CDK5RAP2: variants seen among roughly 807,000 people sequenced by gnomAD.
The protein encoded by CDK5RAP2 is CDK5 regulatory subunit-associated protein 2.
CDK5RAP2 carries 147 observed loss-of-function variants against 232.9 expected under a neutral mutation model. That is an observed-to-expected ratio of 0.63 (90% confidence interval 0.55 to 0.72). The LOEUF (loss-of-function observed/expected upper bound fraction) is 0.72, where lower values mean the gene tolerates loss of function less well. CDK5RAP2 is among the 30% of genes least tolerant of loss of function. The probability of loss-of-function intolerance (pLI) is 0.00; values close to 1 mark genes in which losing one functional copy is unlikely to be tolerated. For missense variants in CDK5RAP2, 2,195 were observed against 2,231.5 expected (o/e 0.98, Z 0.33); for synonymous variants, 833 against 833.7 (o/e 1.00, Z 0.01).
intron 29 of CDK5RAP2, among the ~76,000 whole-genome samples, chr9:120,409,687 C>T (rs953037055): frequency 2.0e-5 from 3 of 152,248 alleles, no homozygotes; most frequent in East Asian, 1.9e-4. Flanking sequence ...ACCAGGAGGC[C>T]GGCAGGGCTG....
intron 12 of CDK5RAP2, among the ~76,000 whole-genome samples, chr9:120,497,425 A>T (rs2039349917): frequency 2.7e-5 from 2 of 73,902 alleles, no homozygotes; most frequent in Admixed American, 1.3e-4. Context: ...TAAATTTAAA[A>T]AAAAAAAAAA....
Position 120,579,986 on chromosome 9 carries a change from G to A in CDK5RAP2, c.-8C>T. The A allele has an allele frequency of 6.2e-7, 1 of 1,600,942 alleles. No homozygotes were observed. Among genetic ancestry groups the A allele is most frequent in the Non-Finnish European group, 8.6e-7 (1 of 1,168,306 alleles). ...CAACACCAAGTCCATCATGGCTACA[G>A]AGGTGGCGACAGCGTTGGTGTCTGT... On this transcript the variant is annotated 5_prime_UTR_variant, in exon 1 of 38. Transcript: ENST00000349780.
Position 120,540,685 on chromosome 9 carries a change from G to T in CDK5RAP2, c.384-1521C>A, listed in dbSNP as rs79378839. On this transcript the variant is annotated intron_variant, in intron 5 of 37. Coordinates refer to ENST00000349780, the MANE Select transcript of CDK5RAP2 (RefSeq NM_018249.6). ...TATTATGTCCTCAGTGGGACTCTGG[G>T]TGAATTACCTAGCCTCAGTAAATTA... Among the ~76,000 whole-genome samples, 7 of 152,322 alleles carry T rather than the reference G, an allele frequency of 4.6e-5. No individual in the cohort carries two copies. The South Asian group carries it at 1.4e-3, about 32-fold the overall frequency.
chr9:120,499,162 G>T (rs1327165069), intron 12 of CDK5RAP2, among the ~76,000 whole-genome samples: 1 of 152,168 alleles, frequency 6.6e-6, no homozygotes, highest in African/African-American at 2.4e-5. Flanking sequence ...TTTTTAATGT[G>T]AAAATGGTAC....
In CDK5RAP2 at chr9:120,408,481, C is replaced by A. The variant is rs753263727; in HGVS notation, c.4605-13G>T. On this transcript the variant is annotated splice_polypyrimidine_tract_variant and intron_variant, in intron 30 of 37. Coordinates refer to ENST00000349780, the MANE Select transcript of CDK5RAP2 (RefSeq NM_018249.6). ...CTCCTCCTGCACCCTGAGAAGGCCCCACAGGCATGAGAAGGACAGGTTAAT... is the reference window on the plus strand; with the variant it reads ...CTCCTCCTGCACCCTGAGAAGGCCCAACAGGCATGAGAAGGACAGGTTAAT... 2.2e-5 allele frequency: 36 copies of A among 1,614,074 alleles called. No individual in the cohort carries two copies. Among genetic ancestry groups the A allele is most frequent in the Non-Finnish European group, 3.1e-5 (36 of 1,179,988 alleles).
chr9:120,462,188 T>C (rs910636417), intron 18 of CDK5RAP2, among the ~76,000 whole-genome samples: 2 of 152,166 alleles, frequency 1.3e-5, no homozygotes, highest in South Asian at 2.1e-4. Context: ...TACTATATTA[T>C]CCAGCATGAA....
intron 18 of CDK5RAP2, among the ~76,000 whole-genome samples, chr9:120,465,202 C>T (rs554196200): frequency 1.3e-5 from 2 of 152,318 alleles, no homozygotes; most frequent in South Asian, 4.1e-4. Context: ...GCTTTCTTTA[C>T]ACAGAGCCTA....
chr9:120,562,767 C>T (rs2042508002), intron 3 of CDK5RAP2, among the ~76,000 whole-genome samples: 1 of 152,032 alleles, frequency 6.6e-6, no homozygotes, highest in South Asian at 2.1e-4. Context: ...GTAACAATAA[C>T]CACAGTAGCC....
intron 15 of CDK5RAP2, among the ~76,000 whole-genome samples, chr9:120,474,069 G>A (rs2037870995): frequency 6.6e-6 from 1 of 152,136 alleles, no homozygotes; most frequent in African/African-American, 2.4e-5. Context: ...ACCACTACTG[G>A]GCAAGCCAGT....
At chr9:120,496,566 G>A (rs2039260975) in intron 12 of CDK5RAP2, among the ~76,000 whole-genome samples, 1 of 150,742 alleles carries the variant, frequency 6.6e-6, no homozygotes, top group African/African-American at 2.4e-5. Flanking sequence ...AGGTGGGGGG[G>A]TCGGCCCCCC....
intron 28 of CDK5RAP2, 44 bp downstream of exon 28, chr9:120,414,996 G>A (rs2034121940): frequency 4.3e-6 from 7 of 1,609,466 alleles, no homozygotes; most frequent in Non-Finnish European, 6.0e-6. Context: ...TCACAGTGAA[G>A]CACTCACAGA....
intron 22 of CDK5RAP2, among the ~76,000 whole-genome samples, chr9:120,447,155 T>G (rs1347540681): frequency 6.6e-6 from 1 of 152,196 alleles, no homozygotes; most frequent in Non-Finnish European, 1.5e-5. Context: ...CTCACAGAAG[T>G]TCAAAATTAG....
At position 120,530,125 on chromosome 9, in the gene CDK5RAP2, C is replaced by A; in HGVS notation, c.678G>T (p.Leu226Phe). ...CTTCTTTGCTCTTCAAAGACAGCTTCAACTCCTCAATCAGTCTAAAAGAGA... is the reference window on the plus strand; with the variant it reads ...CTTCTTTGCTCTTCAAAGACAGCTTAAACTCCTCAATCAGTCTAAAAGAGA... Reference protein sequence around the residue: ...LDEKDRLIEELKLSLKSKEAL... With the variant: ...LDEKDRLIEEFKLSLKSKEAL... Residue 226 changes from leucine (L) to phenylalanine (F), a missense_variant, in exon 8 of 38, where the codon TTG (leucine) becomes TTT (phenylalanine). By Grantham distance (22) the Leu-to-Phe change is conservative. Transcript: ENST00000349780. The A allele has an allele frequency of 6.2e-7, 1 of 1,613,358 alleles. No homozygotes were observed. The highest frequency in any genetic ancestry group is 1.1e-5 in the South Asian group (1 of 91,064).
intron 25 of CDK5RAP2, among the ~76,000 whole-genome samples, chr9:120,428,487 A>G (rs1209892269): frequency 1.3e-5 from 2 of 152,248 alleles, no homozygotes; most frequent in Admixed American, 6.5e-5. Context: ...ACCTCTACGC[A>G]AATAAACTAG....
intron 12 of CDK5RAP2, among the ~76,000 whole-genome samples, chr9:120,496,800 C>A (rs1305856747): frequency 2.9e-5 from 4 of 139,142 alleles, no homozygotes; most frequent in Non-Finnish European, 6.1e-5. Flanking sequence ...GGGTCAGCCC[C>A]CCTGCCCGGC....
intron 12 of CDK5RAP2, among the ~76,000 whole-genome samples, chr9:120,518,210 T>TGTGTGACA (rs1554770753): frequency 1.3e-3 from 57 of 44,000 alleles, no homozygotes; most frequent in East Asian, 4.7e-3. Flanking sequence ...TGTGTGTGTG[T>TGTGTGACA]GAGAGAGAGA....
At chr9:120,410,769 GACC>G (rs1279285796) in intron 29 of CDK5RAP2, among the ~76,000 whole-genome samples, 1 of 152,182 alleles carries the variant, frequency 6.6e-6, no homozygotes, top group Non-Finnish European at 1.5e-5. Flanking sequence ...CTAGCTCTGT[GACC>G]ACAGGCCAGG....
intron 12 of CDK5RAP2, among the ~76,000 whole-genome samples, chr9:120,500,939 G>A (rs1408160512): frequency 6.6e-6 from 1 of 152,090 alleles, no homozygotes; most frequent in Non-Finnish European, 1.5e-5. Flanking sequence ...GTAAGGGGGG[G>A]CCTGGGAACT....
chr9:120,407,374 A>C (rs2033530644), intron 31 of CDK5RAP2, 126 bp from the exon 32 acceptor site: 1 of 739,580 alleles, frequency 1.4e-6, no homozygotes, highest in South Asian at 1.4e-5. Context: ...AACTAGGTAC[A>C]GTTTAAAATA....
Sources: gnomAD v4.1 joint callset for allele counts (sites outside exome capture counted in the v4.1 genomes callset) on GRCh38, gnomAD v4.1.1 for gene constraint, MANE v1.5 for transcripts, NCBI Gene and HGNC (gene_info 2026-07-23, HGNC 2026-07-21) for gene names.